Variants in SNX31 observed in about 807,000 individuals in gnomAD.
The protein encoded by SNX31 is sorting nexin 31, also known as sorting nexin-31.
A neutral mutation model predicts 65.4 loss-of-function variants in SNX31; 58 were observed. The observed-to-expected ratio is 0.89, with a 90% CI of 0.72 to 1.10. The LOEUF (loss-of-function observed/expected upper bound fraction) is 1.10. Among genes scored for constraint, SNX31 ranks in the 50% least tolerant of loss-of-function variants. The pLI is 0.00. For missense variants in SNX31, 523 were observed against 529.7 expected, an observed-to-expected ratio of 0.99 and a Z score of 0.12; for synonymous variants, 181 against 190.1, an observed-to-expected ratio of 0.95 and a Z score of 0.39.
At chr8:100,650,236 G>C (rs75030954), upstream of SNX31, among the ~76,000 whole-genome samples, 2,231 of 152,218 alleles carry the variant, frequency 0.015, 58 homozygotes, top group African/African-American at 0.05. Flanking sequence ...CTCTATTTTA[G>C]TTAAATGAAA....
intron 2 of SNX31, 129 bp from the exon 3 acceptor site, chr8:100,636,140 C>T (rs1818758737): frequency 1.6e-6 from 1 of 615,848 alleles, no homozygotes; most frequent in South Asian, 2.3e-5. Flanking sequence ...CCTGGTAGCC[C>T]AAAGGGGGAA....
intron 10 of SNX31, among the ~76,000 whole-genome samples, chr8:100,592,889 C>T (rs1459515481): frequency 6.6e-6 from 1 of 152,144 alleles, no homozygotes; most frequent in Non-Finnish European, 1.5e-5. Context: ...TATATGATTC[C>T]ATTAATATAC....
At chr8:100,585,021 GC>G (rs1813912890) in intron 11 of SNX31, among the ~76,000 whole-genome samples, 1 of 151,966 alleles carries the variant, frequency 6.6e-6, no homozygotes, top group Non-Finnish European at 1.5e-5. Flanking sequence ...ACCGTGCCTG[GC>G]CCACTTTCTT....
intron 1 of SNX31, chr8:100,657,671 T>C (rs902752746): frequency 2.2e-6 from 1 of 455,448 alleles, no homozygotes; most frequent in Non-Finnish European, 4.4e-6. Flanking sequence ...AGGGACAAGA[T>C]GGGGATTGGG....
intron 13 of SNX31, among the ~76,000 whole-genome samples, chr8:100,574,631 A>G (rs1275265987): frequency 3.6e-4 from 3 of 8,234 alleles, no homozygotes; most frequent in South Asian, 1.5e-3. Context: ...GACTCCGTCT[A>G]AAAAAAAAAA....
At chr8:100,633,065 C>T (rs1010029893) in intron 3 of SNX31, among the ~76,000 whole-genome samples, 15 of 151,992 alleles carry the variant, frequency 9.9e-5, no homozygotes, top group Admixed American at 9.2e-4. Flanking sequence ...GGTGCAGGCA[C>T]GTGCCACTAC....
intron 8 of SNX31, among the ~76,000 whole-genome samples, chr8:100,607,475 T>C (rs1159470823): frequency 6.6e-6 from 1 of 152,150 alleles, no homozygotes; most frequent in Non-Finnish European, 1.5e-5. Flanking sequence ...TAGGAGTAGG[T>C]AGGGCCAACT....
At chr8:100,605,988 C>T (rs1415991141) in intron 8 of SNX31, among the ~76,000 whole-genome samples, 2 of 151,990 alleles carry the variant, frequency 1.3e-5, no homozygotes, top group Middle Eastern at 3.4e-3. Context: ...CCTCAATAAA[C>T]ATTTAAAGTG....
At chr8:100,607,438 G>A (rs1035302814) in intron 8 of SNX31, among the ~76,000 whole-genome samples, 2 of 152,198 alleles carry the variant, frequency 1.3e-5, no homozygotes, top group Non-Finnish European at 2.9e-5. Context: ...GGCCAAGCTC[G>A]AAATTTACTT....
At chr8:100,589,094 A>G in intron 10 of SNX31, 115 bp from the exon 11 acceptor site, 1 of 654,698 alleles carries the variant, frequency 1.5e-6, no homozygotes, top group South Asian at 1.8e-5. Flanking sequence ...TGAGGTCAGG[A>G]GTTCGAGACC....
Position 100,660,222 on chromosome 8 carries a change from C to G in SNX31, c.-58+2920G>C, listed in dbSNP as rs2131317062. On this transcript the variant is annotated intron_variant, in intron 1 of 5. Coordinates refer to the SNX31 transcript ENST00000520352. The surrounding 1 kb of genome is among the most constrained non-coding windows in gnomAD (Gnocchi z 4.1). ...TACTTTGTTCAATCTTCACACCTAC[C>G]CACAGATTAGCTAATGGTATTAGCA... Among the ~76,000 whole-genome samples, 1 of 152,198 alleles carries G rather than the reference C, an allele frequency of 6.6e-6. No individual in the cohort carries two copies. The highest frequency in any genetic ancestry group is 2.4e-5 in the African/African-American group (1 of 41,514).
In SNX31 at chr8:100,622,565, C is replaced by T. The variant is rs144713848; in HGVS notation, c.322-4835G>A. Among the ~76,000 whole-genome samples, 1 of 152,020 alleles carries T rather than the reference C, an allele frequency of 6.6e-6. No homozygotes were observed. Among genetic ancestry groups the T allele is most frequent in the Non-Finnish European group, 1.5e-5 (1 of 68,000 alleles). On this transcript the variant is annotated intron_variant, in intron 4 of 13. Coordinates refer to ENST00000311812, the MANE Select transcript of SNX31 (RefSeq NM_152628.4). This position sits in a 1 kb window ranked among gnomAD's most constrained non-coding sequence, Gnocchi z 5.0. Reference sequence around the variant, plus strand: ...ACTTGGGAGGCTGAGGCAGGAGAATCACTTGAACCCAGGAGGCGGAGGTTG... The same window carrying T: ...ACTTGGGAGGCTGAGGCAGGAGAATTACTTGAACCCAGGAGGCGGAGGTTG...
rs1036856788 is a variant in SNX31, at chr8:100,576,517, T to C, written c.1227+502A>G. ...ACTTATTTATAGGGCTGTGAAGGAA[T>C]GTGTTAATTCACATAAAAGTGCTTA... On this transcript the variant is annotated intron_variant, in intron 13 of 13. Coordinates refer to ENST00000311812, the MANE Select transcript of SNX31 (RefSeq NM_152628.4). This position sits in a 1 kb window ranked among gnomAD's most constrained non-coding sequence, Gnocchi z 4.8. 2.0e-5 allele frequency among the ~76,000 whole-genome samples: 3 copies of C among 152,214 alleles called. No individual in the cohort carries two copies. Among genetic ancestry groups the C allele is most frequent in the Non-Finnish European group, 4.4e-5 (3 of 68,034 alleles).
At chr8:100,657,410 C>G (rs1178757473) in intron 1 of SNX31, among the ~76,000 whole-genome samples, 5 of 150,590 alleles carry the variant, frequency 3.3e-5, no homozygotes, top group Non-Finnish European at 5.9e-5. Flanking sequence ...CAAGATCGCG[C>G]CATTGTGCTC....
At chr8:100,581,329 C>CTA (rs1491502174) in intron 12 of SNX31, among the ~76,000 whole-genome samples, 2,980 of 80,078 alleles carry the variant, frequency 0.037, 129 homozygotes, top group African/African-American at 0.11. Context: ...CTATATCTAT[C>CTA]TATCTATCTA....
rs1815512687 is a variant in SNX31 at position 100,600,421 on chromosome 8, T to A, written c.702A>T (p.Lys234Asn). 1.2e-6 allele frequency: 2 copies of A among 1,611,872 alleles called. No homozygotes were observed. Among genetic ancestry groups the A allele is most frequent in the Non-Finnish European group, 8.5e-7 (1 of 1,178,792 alleles). Reference sequence around the variant, plus strand: ...GTGCCTGTGTGGGTTTGGCCCATCCTTTTTCAATGTCCTGTATTGCCTTAA... The same window carrying A: ...GTGCCTGTGTGGGTTTGGCCCATCCATTTTCAATGTCCTGTATTGCCTTAA... Reference protein sequence around the residue: ...LYMQAIQDIEKGWAKPTQAQR... With the variant: ...LYMQAIQDIENGWAKPTQAQR... The change falls in exon 9 of 14, where the codon AAA (lysine) becomes AAT (asparagine). Residue 234 changes from lysine to asparagine, a missense_variant. Coordinates refer to ENST00000311812, the MANE Select transcript of SNX31 (RefSeq NM_152628.4).
At chr8:100,637,839 G>A (rs1324084788) in intron 2 of SNX31, among the ~76,000 whole-genome samples, 1 of 152,136 alleles carries the variant, frequency 6.6e-6, no homozygotes, top group Non-Finnish European at 1.5e-5. Flanking sequence ...GGGACTACAG[G>A]TGTGTGCCAC....
At position 100,614,945 on chromosome 8, in the gene SNX31, G is replaced by A. The variant is rs1296722231; in HGVS notation, c.433-1860C>T. Among the ~76,000 whole-genome samples the A allele has an allele frequency of 6.6e-6, 1 of 152,178 alleles. No individual in the cohort carries two copies. Among genetic ancestry groups the A allele is most frequent in the African/African-American group, 2.4e-5 (1 of 41,434 alleles). On this transcript the variant is annotated intron_variant, in intron 5 of 13. Coordinates refer to ENST00000311812, the MANE Select transcript of SNX31 (RefSeq NM_152628.4). The surrounding 1 kb of genome is among the most constrained non-coding windows in gnomAD (Gnocchi z 5.1). The stretch of plus-strand genomic sequence containing the variant: ...CAGGCTGTGGGTGAGGCAAACCTGG[G>A]GAAGCAAAGTGAGAATGGCAGCAAG...
rs1468706380 is a variant in SNX31 at position 100,575,782 on chromosome 8, A to T, written c.1227+1237T>A. Among the ~76,000 whole-genome samples, 1 of 152,200 alleles carries T rather than the reference A, an allele frequency of 6.6e-6. No individual in the cohort carries two copies. The highest frequency in any genetic ancestry group is 2.4e-5 in the African/African-American group (1 of 41,442). ...TAATGGTTCCAATTCTGGTTGTATAATAGGACCACTTGGGGAGCTTTTAAA... is the reference window on the plus strand; with the variant it reads ...TAATGGTTCCAATTCTGGTTGTATATTAGGACCACTTGGGGAGCTTTTAAA... On this transcript the variant is annotated intron_variant, in intron 13 of 13. Coordinates refer to ENST00000311812, the MANE Select transcript of SNX31 (RefSeq NM_152628.4). This position sits in a 1 kb window ranked among gnomAD's most constrained non-coding sequence, Gnocchi z 5.1.
Sources: allele counts gnomAD v4.1 joint callset (sites outside exome capture counted in the v4.1 genomes callset), GRCh38; gene constraint gnomAD v4.1.1; non-coding constraint Gnocchi (gnomAD v3.1); transcripts MANE v1.5; gene names NCBI Gene and HGNC (gene_info 2026-07-23, HGNC 2026-07-21).